ATE1: variants seen among roughly 807,000 people sequenced by gnomAD.
ATE1 encodes the protein arginyl-tRNA--protein transferase 1.
In ATE1, 36 loss-of-function variants were observed where a neutral mutation model predicts 70.5. That is an observed-to-expected ratio of 0.51 (90% confidence interval 0.39 to 0.67). The LOEUF is 0.67. Ranked by LOEUF, ATE1 falls within the 30% of genes least tolerant of loss-of-function variation. The probability of loss-of-function intolerance (pLI) is 0.00; values close to 1 mark genes in which losing one functional copy is unlikely to be tolerated. For synonymous variants in ATE1, 232 were observed against 219.3 expected (o/e 1.06, Z -0.51); for missense variants, 593 against 629.5 (o/e 0.94, Z 0.62).
chr10:121,767,668 G>A (rs1945332066), intron 11 of ATE1, among the ~76,000 whole-genome samples: 1 of 152,098 alleles, frequency 6.6e-6, no homozygotes, highest in Non-Finnish European at 1.5e-5. Flanking sequence ...ATGAAAAGGT[G>A]ATCAACAACA....
chr10:121,840,992 T>C, intron 9 of ATE1, 90 bp downstream of exon 9: 1 of 1,181,278 alleles, frequency 8.5e-7, no homozygotes, highest in Non-Finnish European at 1.1e-6. Context: ...CAATTAGGAC[T>C]TCTACTGTTA....
chr10:121,841,329 T>A (rs190457130), intron 8 of ATE1, 66 bp from the exon 9 acceptor site: 4 of 1,099,418 alleles, frequency 3.6e-6, no homozygotes, highest in Middle Eastern at 3.3e-4. Context: ...AATTAATATA[T>A]ACTTTCATTT....
At chr10:121,808,638 GAAT>G (rs1229483659) in intron 10 of ATE1, among the ~76,000 whole-genome samples, 6 of 152,078 alleles carry the variant, frequency 3.9e-5, no homozygotes, top group Admixed American at 1.3e-4. Flanking sequence ...AAATATTATA[GAAT>G]AATTTATAGC....
intron 10 of ATE1, among the ~76,000 whole-genome samples, chr10:121,801,436 A>G (rs1946874606): frequency 6.6e-6 from 1 of 152,216 alleles, no homozygotes; most frequent in Admixed American, 6.5e-5. Flanking sequence ...AACCTTGTGA[A>G]GCAAAGATTC....
chr10:121,876,006 T>C (rs2134071162), intron 7 of ATE1, among the ~76,000 whole-genome samples: 1 of 152,300 alleles, frequency 6.6e-6, no homozygotes, highest in Non-Finnish European at 1.5e-5. Flanking sequence ...TTTTCCCCAA[T>C]CTGTGCTTAC....
intron 10 of ATE1, among the ~76,000 whole-genome samples, chr10:121,815,294 C>A (rs1252725466): frequency 6.6e-6 from 1 of 152,202 alleles, no homozygotes; most frequent in Non-Finnish European, 1.5e-5. Flanking sequence ...CGCCACCACG[C>A]CCGGCTAATT....
chr10:121,873,721 A>G (rs1218584622), intron 7 of ATE1, among the ~76,000 whole-genome samples: 1 of 151,768 alleles, frequency 6.6e-6, no homozygotes, highest in African/African-American at 2.4e-5. Flanking sequence ...CAGAAAAATG[A>G]TAATTATTTT....
At chr10:121,767,828 A>G (rs11200139) in intron 11 of ATE1, among the ~76,000 whole-genome samples, 17,422 of 152,136 alleles carry the variant, frequency 0.11, 1,104 homozygotes, top group South Asian at 0.19. Context: ...TCTTTGGGAA[A>G]TCAAAAATGG....
At chr10:121,809,065 A>G (rs1389280378) in intron 10 of ATE1, among the ~76,000 whole-genome samples, 1 of 152,216 alleles carries the variant, frequency 6.6e-6, no homozygotes, top group Non-Finnish European at 1.5e-5. Context: ...ATTATCAATC[A>G]TGTTTTCTAG....
At chr10:121,868,212 C>T (rs1262757320) in intron 8 of ATE1, among the ~76,000 whole-genome samples, 1 of 152,170 alleles carries the variant, frequency 6.6e-6, no homozygotes. Context: ...ATTTAAAACA[C>T]ATTTATTACC....
intron 7 of ATE1, 87 bp downstream of exon 7, chr10:121,899,763 ACACAAATAAAATGTAG>A: frequency 2.0e-6 from 3 of 1,477,674 alleles, no homozygotes; most frequent in Non-Finnish European, 2.7e-6. Flanking sequence ...TGCAAATTGA[ACACAAATAAAATGTAG>A]CACAAATAAA....
chr10:121,916,830 G>A (rs111468094), intron 3 of ATE1, among the ~76,000 whole-genome samples: 8 of 147,340 alleles, frequency 5.4e-5, no homozygotes, highest in Admixed American at 4.8e-4. Flanking sequence ...ACGAGACTCC[G>A]TCTCAAACAA....
chr10:121,776,915 G>A lies in ATE1; in HGVS notation c.1378+13254C>T, dbSNP rs116000397. 4.4e-3 allele frequency among the ~76,000 whole-genome samples: 663 copies of A among 152,312 alleles called. 5 individuals are homozygous for A. Among genetic ancestry groups the A allele is most frequent in the African/African-American group, 0.015 (637 of 41,564 alleles). ...GAGGAAGAGAGAAGGTGCATGAAAG[G>A]GCAGTGTGGTGAAATTGAGCACAGT... is the stretch of plus-strand genomic sequence containing the variant. On this transcript the variant is annotated intron_variant, in intron 11 of 11. Transcript: ENST00000224652.
At chr10:121,781,510 T>C (rs151000242) in intron 11 of ATE1, among the ~76,000 whole-genome samples, 1 of 152,318 alleles carries the variant, frequency 6.6e-6, no homozygotes, top group Non-Finnish European at 1.5e-5. Context: ...CTCCAGTCCT[T>C]AGAGTGATGG....
At chr10:121,816,056 G>A (rs1019052277) in intron 10 of ATE1, among the ~76,000 whole-genome samples, 1 of 152,086 alleles carries the variant, frequency 6.6e-6, no homozygotes, top group Admixed American at 6.5e-5. Context: ...AACTCAGAAT[G>A]GGCGCCTATT....
intron 3 of ATE1, among the ~76,000 whole-genome samples, chr10:121,915,209 A>C (rs765153840): frequency 1.3e-5 from 2 of 152,216 alleles, no homozygotes; most frequent in Non-Finnish European, 2.9e-5. Context: ...TAAAATAACA[A>C]GGTGTTATTA....
chr10:121,877,103 A>T (rs2134080874), intron 7 of ATE1, among the ~76,000 whole-genome samples: 1 of 152,306 alleles, frequency 6.6e-6, no homozygotes, highest in Non-Finnish European at 1.5e-5. Flanking sequence ...CACCAAAGAA[A>T]GACTCTGGTT....
intron 4 of ATE1, among the ~76,000 whole-genome samples, chr10:121,913,008 T>C (rs1238453738): frequency 6.6e-6 from 1 of 152,070 alleles, no homozygotes; most frequent in Non-Finnish European, 1.5e-5. Flanking sequence ...ACCTCCCAAG[T>C]AGCTGGGACT....
At chr10:121,890,649 T>A (rs1398963608) in intron 7 of ATE1, among the ~76,000 whole-genome samples, 1 of 152,194 alleles carries the variant, frequency 6.6e-6, no homozygotes, top group Non-Finnish European at 1.5e-5. Context: ...AAAGAAGAGA[T>A]GAGAGGTCAA....
Sources: allele counts gnomAD v4.1 joint callset (sites outside exome capture counted in the v4.1 genomes callset), GRCh38; gene constraint gnomAD v4.1.1; transcripts MANE v1.5; gene names NCBI Gene and HGNC (gene_info 2026-07-23, HGNC 2026-07-21).